Variants in PALM2AKAP2 observed in about 807,000 individuals in gnomAD.
PALM2AKAP2 encodes the protein PALM2-AKAP2 fusion protein.
Under a neutral mutation model 71.5 loss-of-function variants are expected in PALM2AKAP2, and 37 were observed. That is an observed-to-expected ratio of 0.52 (90% CI 0.40 to 0.68). PALM2AKAP2 has a LOEUF of 0.68. PALM2AKAP2 is among the 30% of genes least tolerant of loss of function. The pLI is 0.00. For missense variants in PALM2AKAP2, 1,224 were observed against 1,191.8 expected (o/e 1.03, Z -0.40); for synonymous variants, 468 against 478.8 (o/e 0.98, Z 0.29).
At chr9:109,955,840 G>C (rs1020401892) in intron 6 of PALM2AKAP2, among the ~76,000 whole-genome samples, 2 of 151,920 alleles carry the variant, frequency 1.3e-5, no homozygotes, top group Non-Finnish European at 2.9e-5. Context: ...AGGAGGCTGA[G>C]GCAGGAGAAT....
chr9:109,646,741 A>G (rs1249968319), intron 1 of PALM2AKAP2, among the ~76,000 whole-genome samples: 1 of 152,168 alleles, frequency 6.6e-6, no homozygotes, highest in Non-Finnish European at 1.5e-5. Context: ...GGTGATTAAA[A>G]ACATCCCTTA....
At chr9:109,880,196 T>C (rs541520068) in intron 2 of PALM2AKAP2, among the ~76,000 whole-genome samples, 4 of 152,338 alleles carry the variant, frequency 2.6e-5, no homozygotes, top group South Asian at 2.1e-4. Context: ...TAGAGACTCA[T>C]ACTGACATAT....
intron 1 of PALM2AKAP2, among the ~76,000 whole-genome samples, chr9:109,844,865 C>T (rs1828806582): frequency 6.6e-6 from 1 of 152,110 alleles, no homozygotes; most frequent in Admixed American, 6.5e-5. Context: ...CATACCTCAC[C>T]TGTGCTGTAG....
chr9:109,998,497 C>T (rs1404898898), intron 6 of PALM2AKAP2, among the ~76,000 whole-genome samples: 1 of 152,092 alleles, frequency 6.6e-6, no homozygotes, highest in Non-Finnish European at 1.5e-5. Flanking sequence ...AGCGAACACT[C>T]AATAGCCGTG....
intron 1 of PALM2AKAP2, among the ~76,000 whole-genome samples, chr9:109,734,601 G>A (rs1212668982): frequency 6.6e-6 from 1 of 152,126 alleles, no homozygotes; most frequent in Admixed American, 6.5e-5. Flanking sequence ...TTGGAGTCAA[G>A]AGAAGAGTCC....
intron 6 of PALM2AKAP2, among the ~76,000 whole-genome samples, chr9:109,957,099 A>G (rs1831760301): frequency 6.6e-6 from 1 of 152,212 alleles, no homozygotes; most frequent in African/African-American, 2.4e-5. Flanking sequence ...CGAGTACATC[A>G]GTAGCAAACT....
chr9:110,079,584 T>C (rs1363121265), intron 1 of PALM2AKAP2, among the ~76,000 whole-genome samples: 1 of 152,082 alleles, frequency 6.6e-6, no homozygotes, highest in African/African-American at 2.4e-5. Context: ...TGGAAAAGAC[T>C]TGGGGAAAAA....
chr9:109,922,157 C>A (rs565337725), intron 3 of PALM2AKAP2, among the ~76,000 whole-genome samples: 3 of 151,894 alleles, frequency 2.0e-5, no homozygotes, highest in African/African-American at 7.3e-5. Flanking sequence ...CGGTGGCTCA[C>A]GCCTGTAGTC....
chr9:109,689,150 T>C (rs1049697464), intron 1 of PALM2AKAP2, among the ~76,000 whole-genome samples: 1 of 152,052 alleles, frequency 6.6e-6, no homozygotes, highest in African/African-American at 2.4e-5. Flanking sequence ...TAACTTCTGA[T>C]CTTCAATTTT....
intron 6 of PALM2AKAP2, among the ~76,000 whole-genome samples, chr9:109,998,946 T>G (rs1832628412): frequency 6.6e-6 from 1 of 151,810 alleles, no homozygotes; most frequent in African/African-American, 2.4e-5. Context: ...CCACTTCAAT[T>G]TGGGAAATAT....
chr9:110,084,618 G>T (rs1437038539), intron 1 of PALM2AKAP2, among the ~76,000 whole-genome samples: 1 of 152,098 alleles, frequency 6.6e-6, no homozygotes, highest in Non-Finnish European at 1.5e-5. Context: ...ACTTATGATA[G>T]CTAATGCCAT....
intron 3 of PALM2AKAP2, among the ~76,000 whole-genome samples, chr9:109,911,297 G>A (rs916181923): frequency 1.3e-5 from 2 of 152,152 alleles, no homozygotes; most frequent in Non-Finnish European, 2.9e-5. Context: ...ACTCAAATAA[G>A]AATCACAACA....
At chr9:110,022,247 A>G (rs1486485977) in intron 7 of PALM2AKAP2, among the ~76,000 whole-genome samples, 1 of 152,166 alleles carries the variant, frequency 6.6e-6, no homozygotes, top group African/African-American at 2.4e-5. Context: ...TAAAAAGCTG[A>G]GTTGAGCTTT....
At chr9:109,657,454 G>T (rs372094997) in intron 1 of PALM2AKAP2, among the ~76,000 whole-genome samples, 1 of 148,526 alleles carries the variant, frequency 6.7e-6, no homozygotes, top group Non-Finnish European at 1.5e-5. Context: ...TATGGTATTT[G>T]TGTGTGTGTG....
intron 1 of PALM2AKAP2, among the ~76,000 whole-genome samples, chr9:109,817,317 A>G (rs1031248977): frequency 2.0e-5 from 3 of 152,192 alleles, no homozygotes; most frequent in Admixed American, 6.6e-5. Context: ...ATGATGTCCT[A>G]CTATCTGTGA....
intron 1 of PALM2AKAP2, among the ~76,000 whole-genome samples, chr9:109,713,424 A>G (rs776633973): frequency 6.6e-6 from 1 of 152,202 alleles, no homozygotes; most frequent in Non-Finnish European, 1.5e-5. Context: ...TAATTTAAAT[A>G]TAAATCTATC....
intron 1 of PALM2AKAP2, among the ~76,000 whole-genome samples, chr9:109,742,992 C>T (rs1231890339): frequency 6.6e-6 from 1 of 152,174 alleles, no homozygotes; most frequent in South Asian, 2.1e-4. Context: ...GCTTTTATGC[C>T]TCCCCTGGAG....
In PALM2AKAP2 at chr9:109,909,697, A is replaced by G. The variant is rs114785017; in HGVS notation, c.258-14038A>G. Among the ~76,000 whole-genome samples the G allele has an allele frequency of 4.7e-3, 722 of 152,366 alleles. 9 individuals carry two copies. The highest frequency in any genetic ancestry group is 0.017 in the African/African-American group (691 of 41,584). Reference sequence around the variant, plus strand: ...GGCAGCAAAGAAGAAGAGCACCTTCATGGGAAAAGTCCAAAGAAGACTTCC... The same window carrying G: ...GGCAGCAAAGAAGAAGAGCACCTTCGTGGGAAAAGTCCAAAGAAGACTTCC... On this transcript the variant is annotated intron_variant, in intron 3 of 9. Coordinates refer to the PALM2AKAP2 transcript ENST00000302798.
chr9:109,713,207 CCTT>C (rs1328450428), intron 1 of PALM2AKAP2, among the ~76,000 whole-genome samples: 1 of 152,138 alleles, frequency 6.6e-6, no homozygotes, highest in Non-Finnish European at 1.5e-5. Context: ...CTCCCTTCTT[CCTT>C]CTTCTTGGGA....
Sources: gnomAD v4.1 joint callset for allele counts (sites outside exome capture counted in the v4.1 genomes callset) on GRCh38, gnomAD v4.1.1 for gene constraint, MANE v1.5 for transcripts, NCBI Gene and HGNC (gene_info 2026-07-23, HGNC 2026-07-21) for gene names.